Variants in HS6ST3 observed in about 807,000 individuals in gnomAD.
HS6ST3 encodes heparan-sulfate 6-O-sulfotransferase 3.
Under a neutral mutation model 36.7 loss-of-function variants are expected in HS6ST3, and 12 were observed. That is an observed-to-expected ratio of 0.33 (90% CI 0.21 to 0.53). The LOEUF is 0.53. Among genes scored for constraint, HS6ST3 ranks in the 20% least tolerant of loss-of-function variants. The probability of loss-of-function intolerance (pLI) is 0.95; values close to 1 mark genes in which losing one functional copy is unlikely to be tolerated. For missense variants in HS6ST3, 584 were observed against 640.9 expected (o/e 0.91, Z 0.96); for synonymous variants, 240 against 257.5 (o/e 0.93, Z 0.65).
intron 1 of HS6ST3, among the ~76,000 whole-genome samples, chr13:96,745,538 T>A (rs1337948478): frequency 1.3e-5 from 2 of 152,076 alleles, no homozygotes; most frequent in Admixed American, 1.3e-4. Context: ...ATTTCAGCAA[T>A]GTACCAGAAG....
chr13:96,735,164 C>T (rs1356424806), intron 1 of HS6ST3, among the ~76,000 whole-genome samples: 1 of 151,528 alleles, frequency 6.6e-6, no homozygotes, highest in Non-Finnish European at 1.5e-5. Context: ...GTCTAATGTG[C>T]TATTTACCTG....
At chr13:96,707,524 C>A (rs1875458802) in intron 1 of HS6ST3, among the ~76,000 whole-genome samples, 1 of 152,120 alleles carries the variant, frequency 6.6e-6, no homozygotes, top group Admixed American at 6.6e-5. Context: ...GAGGCGATGC[C>A]CATCAATCTG....
intron 1 of HS6ST3, among the ~76,000 whole-genome samples, chr13:96,592,318 GC>G (rs2056385564): frequency 2.6e-5 from 4 of 152,052 alleles, no homozygotes; most frequent in African/African-American, 9.6e-5. Context: ...CCCTTCTCTT[GC>G]TTTTTAACTT....
chr13:96,611,819 A>C (rs542112621), intron 1 of HS6ST3, among the ~76,000 whole-genome samples: 1 of 152,300 alleles, frequency 6.6e-6, no homozygotes, highest in East Asian at 1.9e-4. Context: ...AGAAGGGTGG[A>C]GACAAGACTG....
chr13:96,684,837 C>T (rs898799989), intron 1 of HS6ST3, among the ~76,000 whole-genome samples: 2 of 151,970 alleles, frequency 1.3e-5, no homozygotes, highest in African/African-American at 4.8e-5. Context: ...AAGCAAGAAG[C>T]CACTAGATGC....
At chr13:96,216,973 CAG>C (rs1236405137) in intron 1 of HS6ST3, among the ~76,000 whole-genome samples, 1 of 152,198 alleles carries the variant, frequency 6.6e-6, no homozygotes, top group African/African-American at 2.4e-5. Context: ...TTTCCCTCTG[CAG>C]AGAGAAGTCA....
chr13:96,525,816 A>G (rs1419230819), intron 1 of HS6ST3, among the ~76,000 whole-genome samples: 3 of 152,238 alleles, frequency 2.0e-5, no homozygotes, highest in East Asian at 1.9e-4. Flanking sequence ...TGTGTACGCT[A>G]TGATGTGGGC....
chr13:96,152,316 CT>C (rs766489670), intron 1 of HS6ST3, among the ~76,000 whole-genome samples: 188 of 97,064 alleles, frequency 1.9e-3, no homozygotes, highest in Admixed American at 5.0e-3. Context: ...GGCCCCTTTC[CT>C]TTTTTTTTTT....
chr13:96,314,816 G>A (rs368438763), intron 1 of HS6ST3, among the ~76,000 whole-genome samples: 7 of 152,064 alleles, frequency 4.6e-5, no homozygotes, highest in East Asian at 3.8e-4. Context: ...CTATTTATTG[G>A]CCAGGGAGTC....
chr13:96,327,655 C>A (rs945871282), intron 1 of HS6ST3, among the ~76,000 whole-genome samples: 15 of 151,350 alleles, frequency 9.9e-5, no homozygotes, highest in African/African-American at 3.6e-4. Context: ...ATTGACTTGG[C>A]GATGCGGGCT....
intron 1 of HS6ST3, among the ~76,000 whole-genome samples, chr13:96,829,319 T>G (rs1206534163): frequency 6.6e-6 from 1 of 151,874 alleles, no homozygotes; most frequent in Non-Finnish European, 1.5e-5. Flanking sequence ...TTTTTTTCAA[T>G]TTTTCTTTTT....
chr13:96,394,194 A>T (rs941525525), intron 1 of HS6ST3, among the ~76,000 whole-genome samples: 10 of 152,162 alleles, frequency 6.6e-5, no homozygotes, highest in African/African-American at 2.4e-4. Context: ...GTTGTAGCTG[A>T]GGCCCGTTTA....
chr13:96,686,355 G>T (rs1190506009), intron 1 of HS6ST3, among the ~76,000 whole-genome samples: 2 of 151,956 alleles, frequency 1.3e-5, no homozygotes, highest in Non-Finnish European at 2.9e-5. Flanking sequence ...ATAGTTTATT[G>T]CCTGTGTAAA....
intron 1 of HS6ST3, among the ~76,000 whole-genome samples, chr13:96,237,007 G>A (rs902362033): frequency 6.6e-6 from 1 of 152,186 alleles, no homozygotes; most frequent in African/African-American, 2.4e-5. Flanking sequence ...CCTCTTCACA[G>A]GGCAGCAGTA....
chr13:96,188,433 C>T (rs1055835797), intron 1 of HS6ST3, among the ~76,000 whole-genome samples: 2 of 21,704 alleles, frequency 9.2e-5, no homozygotes, highest in African/African-American at 3.2e-4. Flanking sequence ...TGAGCAACAT[C>T]GTGAGACCCC....
rs369253417 is a variant in HS6ST3, at chr13:96,590,699, A to G, written c.708-241791A>G. 2.7e-4 allele frequency among the ~76,000 whole-genome samples: 41 copies of G among 152,158 alleles called. No individual in the cohort carries two copies. In the South Asian group the frequency reaches 6.4e-3, roughly 24 times the overall value. ...TGCATAAGCATTTTAACTTGATGTG[A>G]TTCCATTTGTCCATTTTTGCTTTGG... is the stretch of plus-strand genomic sequence containing the variant. On this transcript the variant is annotated intron_variant, in intron 1 of 1. Coordinates refer to ENST00000376705, the MANE Select transcript of HS6ST3 (RefSeq NM_153456.4).
intron 1 of HS6ST3, among the ~76,000 whole-genome samples, chr13:96,724,553 A>C (rs1875950786): frequency 6.6e-6 from 1 of 152,212 alleles, no homozygotes; most frequent in Non-Finnish European, 1.5e-5. Flanking sequence ...TCTAGCAAAC[A>C]CTCATCTGCT....
At chr13:96,605,857 C>T (rs578166165) in intron 1 of HS6ST3, among the ~76,000 whole-genome samples, 65 of 147,788 alleles carry the variant, frequency 4.4e-4, no homozygotes, top group African/African-American at 1.6e-3. Context: ...GGACTAGTAT[C>T]TGGAATCTGT....
chr13:96,152,145 A>G (rs915700405), intron 1 of HS6ST3, among the ~76,000 whole-genome samples: 3 of 152,150 alleles, frequency 2.0e-5, no homozygotes, highest in African/African-American at 7.2e-5. Flanking sequence ...GTCTCTCAAG[A>G]TATAAAGTTA....
Sources: allele counts gnomAD v4.1 joint callset (sites outside exome capture counted in the v4.1 genomes callset), GRCh38; gene constraint gnomAD v4.1.1; transcripts MANE v1.5; gene names NCBI Gene and HGNC (gene_info 2026-07-23, HGNC 2026-07-21).